The following ARHGAP15 variants were observed in gnomAD, a reference collection of about 807,000 sequenced individuals.
The protein encoded by ARHGAP15 is Rho GTPase activating protein 15.
A neutral mutation model predicts 63.7 loss-of-function variants in ARHGAP15; 51 were observed. The ratio of observed to expected loss-of-function variants is 0.80; its 90% CI spans 0.64 to 1.01. The LOEUF (loss-of-function observed/expected upper bound fraction) is 1.01, where lower values mean the gene tolerates loss of function less well. ARHGAP15 is among the 50% of genes least tolerant of loss of function. The pLI is 0.00. For synonymous variants in ARHGAP15, 191 were observed against 193.8 expected, an observed-to-expected ratio of 0.99 and a Z score of 0.12; for missense variants, 560 against 564.6, an observed-to-expected ratio of 0.99 and a Z score of 0.08.
intron 13 of ARHGAP15, among the ~76,000 whole-genome samples, chr2:143,748,537 A>G (rs1440341673): frequency 1.3e-5 from 2 of 152,226 alleles, no homozygotes; most frequent in Non-Finnish European, 2.9e-5. Context: ...AGCAGAAAAA[A>G]TAATCACAAT....
chr2:143,578,680 A>G (rs999148106), intron 11 of ARHGAP15, among the ~76,000 whole-genome samples: 9 of 152,176 alleles, frequency 5.9e-5, no homozygotes, highest in African/African-American at 2.2e-4. Flanking sequence ...TTTTTGTTGT[A>G]TCAGGGACAC....
chr2:143,497,640 G>A (rs778533783), intron 9 of ARHGAP15, among the ~76,000 whole-genome samples: 154 of 152,260 alleles, frequency 1.0e-3, no homozygotes, highest in Non-Finnish European at 1.4e-3. Flanking sequence ...GCTGGATGCT[G>A]CTTTCGCCTC....
chr2:143,471,154 G>A (rs756353628), intron 8 of ARHGAP15, among the ~76,000 whole-genome samples: 6 of 144,690 alleles, frequency 4.1e-5, no homozygotes, highest in African/African-American at 1.6e-4. Flanking sequence ...TGTGTGTATA[G>A]ATACAGAAAG....
At chr2:143,276,819 A>T (rs1455124469) in intron 6 of ARHGAP15, among the ~76,000 whole-genome samples, 2 of 152,154 alleles carry the variant, frequency 1.3e-5, no homozygotes, top group East Asian at 3.9e-4. Flanking sequence ...AAACAAAAAA[A>T]CTTTAGTGCC....
intron 5 of ARHGAP15, among the ~76,000 whole-genome samples, chr2:143,244,632 A>G (rs559165704): frequency 1.4e-4 from 22 of 152,280 alleles, no homozygotes; most frequent in African/African-American, 4.8e-4. Context: ...ACCGAGAGGG[A>G]TGGTTGGAGG....
chr2:143,502,910 T>A (rs1693134960), intron 9 of ARHGAP15, among the ~76,000 whole-genome samples: 1 of 152,166 alleles, frequency 6.6e-6, no homozygotes, highest in Non-Finnish European at 1.5e-5. Flanking sequence ...GCCTCCCAGA[T>A]GCAACTCTCT....
chr2:143,424,139 A>G (rs1227644721), intron 6 of ARHGAP15, among the ~76,000 whole-genome samples: 1 of 152,120 alleles, frequency 6.6e-6, no homozygotes, highest in African/African-American at 2.4e-5. Flanking sequence ...AAACAGACAG[A>G]CTACTAGGCC....
intron 6 of ARHGAP15, among the ~76,000 whole-genome samples, chr2:143,408,287 AATAG>A (rs1688299330): frequency 6.7e-6 from 1 of 149,478 alleles, no homozygotes; most frequent in Non-Finnish European, 1.5e-5. Context: ...AACTACTTTT[AATAG>A]ATTTTTTCTA....
chr2:143,171,346 T>C (rs780543469), intron 2 of ARHGAP15, among the ~76,000 whole-genome samples: 16 of 152,170 alleles, frequency 1.1e-4, no homozygotes, highest in Non-Finnish European at 2.1e-4. Context: ...GCCAGAATTC[T>C]GTTGCTCTTC....
intron 6 of ARHGAP15, among the ~76,000 whole-genome samples, chr2:143,266,348 A>G (rs1409096356): frequency 6.6e-6 from 1 of 152,128 alleles, no homozygotes; most frequent in Admixed American, 6.6e-5. Flanking sequence ...GTGATAGGAG[A>G]AGGTAGCTGA....
chr2:143,527,528 C>T (rs1694331223), intron 10 of ARHGAP15, among the ~76,000 whole-genome samples: 1 of 151,586 alleles, frequency 6.6e-6, no homozygotes, highest in Non-Finnish European at 1.5e-5. Flanking sequence ...AGAAAAAAAC[C>T]TAACTCTGCA....
intron 6 of ARHGAP15, among the ~76,000 whole-genome samples, chr2:143,394,865 T>C (rs1426957038): frequency 1.3e-5 from 2 of 152,128 alleles, no homozygotes; most frequent in Non-Finnish European, 2.9e-5. Context: ...ATTATCTTGC[T>C]ATGTCTTATG....
chr2:143,341,985 A>G (rs573095002), intron 6 of ARHGAP15, among the ~76,000 whole-genome samples: 136 of 152,290 alleles, frequency 8.9e-4, no homozygotes, highest in Middle Eastern at 3.4e-3. Context: ...TTAAAAATAC[A>G]TATAAACCCT....
intron 13 of ARHGAP15, among the ~76,000 whole-genome samples, chr2:143,730,209 G>A (rs1574902246): frequency 6.6e-6 from 1 of 152,196 alleles, no homozygotes; most frequent in Non-Finnish European, 1.5e-5. Flanking sequence ...CCACAACGCA[G>A]CCAAAGTGAG....
intron 5 of ARHGAP15, chr2:143,238,211 A>C (rs1443946530): frequency 6.6e-6 from 1 of 152,204 alleles, no homozygotes; most frequent in Admixed American, 6.5e-5. Flanking sequence ...TAATTAAACT[A>C]AAGAGCTTCC....
At chr2:143,130,629 A>G (rs2104974889) in intron 1 of ARHGAP15, among the ~76,000 whole-genome samples, 1 of 152,274 alleles carries the variant, frequency 6.6e-6, no homozygotes, top group South Asian at 2.1e-4. Flanking sequence ...TATTAGGCAT[A>G]GTAGTACACT....
intron 8 of ARHGAP15, among the ~76,000 whole-genome samples, chr2:143,441,989 T>A (rs1300876559): frequency 1.3e-5 from 2 of 152,162 alleles, no homozygotes; most frequent in Non-Finnish European, 2.9e-5. Flanking sequence ...ATCCCCTTAA[T>A]GATGTGTGCA....
At chr2:143,570,041 G>T (rs146091589) in intron 11 of ARHGAP15, among the ~76,000 whole-genome samples, 57 of 152,170 alleles carry the variant, frequency 3.7e-4, no homozygotes, top group African/African-American at 1.3e-3. Context: ...TATCTTTAAA[G>T]CAAGAATATA....
At chr2:143,647,517 T>G (rs1680941994) in intron 12 of ARHGAP15, among the ~76,000 whole-genome samples, 1 of 152,020 alleles carries the variant, frequency 6.6e-6, no homozygotes, top group Admixed American at 6.6e-5. Flanking sequence ...TTTTCTTCAA[T>G]TTCAACAAAT....
Sources: gnomAD v4.1 joint callset for allele counts (sites outside exome capture counted in the v4.1 genomes callset) on GRCh38, gnomAD v4.1.1 for gene constraint, MANE v1.5 for transcripts, NCBI Gene and HGNC (gene_info 2026-07-23, HGNC 2026-07-21) for gene names.